The following ACYP2 variants were observed in gnomAD, a reference collection of about 807,000 sequenced individuals.
ACYP2 encodes the protein acylphosphatase 2.
ACYP2 carries 12 observed loss-of-function variants against 11.2 expected under a neutral mutation model. The observed-to-expected ratio is 1.08, with a 90% CI of 0.69 to 1.74. The LOEUF (loss-of-function observed/expected upper bound fraction) is 1.74. Among genes scored for constraint, ACYP2 ranks in the 40% most tolerant of loss-of-function variants. The pLI is 0.00. For synonymous variants in ACYP2, 43 were observed against 32.2 expected (o/e 1.33, Z -1.13); for missense variants, 134 against 101.9 (o/e 1.31, Z -1.35).
intron 6 of ACYP2, among the ~76,000 whole-genome samples, chr2:54,302,055 G>C (rs944905412): frequency 6.6e-6 from 1 of 152,168 alleles, no homozygotes; most frequent in Admixed American, 6.5e-5. Flanking sequence ...TTTTGGCTGG[G>C]GAAGAAGTCC....
intron 6 of ACYP2, 67 bp from the exon 4 acceptor site, chr2:54,304,621 G>A: frequency 9.1e-7 from 1 of 1,094,938 alleles, no homozygotes; most frequent in Non-Finnish European, 1.3e-6. Context: ...ACCTACTGTG[G>A]GCTCATTTTA....
intron 2 of ACYP2, among the ~76,000 whole-genome samples, chr2:54,046,167 CAAAAAAAAAAAAA>C (rs36114622): frequency 7.2e-5 from 4 of 55,844 alleles, no homozygotes; most frequent in Non-Finnish European, 9.6e-5. Flanking sequence ...CAGACCCTGT[CAAAAAAAAAAAAA>C]AAAAAAAAAA....
chr2:53,987,326 G>T (rs903177706), intron 2 of ACYP2, among the ~76,000 whole-genome samples: 1 of 151,302 alleles, frequency 6.6e-6, no homozygotes, highest in Non-Finnish European at 1.5e-5. Context: ...TTTTATAGAT[G>T]TGGATTATGC....
chr2:54,004,522 T>C (rs1416094955), intron 2 of ACYP2, among the ~76,000 whole-genome samples: 1 of 148,826 alleles, frequency 6.7e-6, no homozygotes, highest in African/African-American at 2.5e-5. Flanking sequence ...ACCATTCTCC[T>C]GCCTCAGCCT....
chr2:54,020,105 T>G (rs1163855332), intron 2 of ACYP2, among the ~76,000 whole-genome samples: 3 of 151,960 alleles, frequency 2.0e-5, no homozygotes, highest in Non-Finnish European at 4.4e-5. Flanking sequence ...CCTGGCTAAT[T>G]TTTGTATTTT....
intron 4 of ACYP2, among the ~76,000 whole-genome samples, chr2:54,118,653 C>T (rs970365462): frequency 6.6e-6 from 1 of 152,166 alleles, no homozygotes; most frequent in African/African-American, 2.4e-5. Flanking sequence ...ATAGTGGTAA[C>T]ACGGTATATA....
chr2:54,152,942 C>T (rs555319190), intron 6 of ACYP2, among the ~76,000 whole-genome samples: 116 of 152,268 alleles, frequency 7.6e-4, no homozygotes, highest in African/African-American at 2.8e-3. Context: ...GTATTACAGG[C>T]TCAAGCCACC....
rs532971729 is a variant in ACYP2 at position 54,093,679 on chromosome 2, G to A, written c.277+36319G>A. On this transcript the variant is annotated intron_variant, in intron 4 of 6. Transcript: ENST00000607452. ...CACTTGGCCGGGCGTGGTGGCTCACGCCTGTAATTCCAGCACTTCGGGAGG... is the reference window on the plus strand; with the variant it reads ...CACTTGGCCGGGCGTGGTGGCTCACACCTGTAATTCCAGCACTTCGGGAGG... Among the ~76,000 whole-genome samples the A allele has an allele frequency of 2.6e-5, 4 of 152,294 alleles. No individual in the cohort carries two copies. The South Asian group carries it at 6.2e-4, about 24-fold the overall frequency.
At chr2:54,062,423 A>C (rs1676517983) in intron 4 of ACYP2, among the ~76,000 whole-genome samples, 1 of 152,192 alleles carries the variant, frequency 6.6e-6, no homozygotes, top group East Asian at 1.9e-4. Flanking sequence ...TGTGACATTG[A>C]AAATAAGTAT....
chr2:54,267,356 G>C, intron 6 of ACYP2: 1 of 1,547,756 alleles, frequency 6.5e-7, no homozygotes, highest in Non-Finnish European at 8.7e-7. Flanking sequence ...ACAGCTAGAG[G>C]AGAATTCAGG....
chr2:54,299,621 A>T (rs940631025), intron 6 of ACYP2, among the ~76,000 whole-genome samples: 3 of 151,964 alleles, frequency 2.0e-5, no homozygotes, highest in African/African-American at 7.2e-5. Context: ...AAAGAAAAAA[A>T]AGAAAACCTA....
intron 6 of ACYP2, among the ~76,000 whole-genome samples, chr2:54,139,764 A>T (rs1194239562): frequency 1.3e-5 from 2 of 152,186 alleles, no homozygotes; most frequent in Non-Finnish European, 2.9e-5. Context: ...AACACTGAGA[A>T]GTATAAAGGT....
chr2:54,163,622 A>AG (rs938211989), intron 6 of ACYP2, among the ~76,000 whole-genome samples: 25 of 152,184 alleles, frequency 1.6e-4, no homozygotes, highest in Non-Finnish European at 3.2e-4. Context: ...TGGGAGGCCT[A>AG]GGGGGGTGGC....
intron 4 of ACYP2, among the ~76,000 whole-genome samples, chr2:54,116,742 G>A (rs1050688654): frequency 5.3e-5 from 8 of 152,110 alleles, no homozygotes; most frequent in Non-Finnish European, 1.2e-4. Context: ...AATGGCAACG[G>A]CACACCTGAA....
intron 6 of ACYP2, among the ~76,000 whole-genome samples, chr2:54,189,188 T>C (rs1684135004): frequency 6.6e-6 from 1 of 152,212 alleles, no homozygotes; most frequent in Non-Finnish European, 1.5e-5. Flanking sequence ...TCAGAGCAGC[T>C]ATAATCTACT....
chr2:54,247,473 C>CT (rs1160185071), intron 6 of ACYP2, among the ~76,000 whole-genome samples: 5 of 152,156 alleles, frequency 3.3e-5, no homozygotes, highest in Admixed American at 3.3e-4. Context: ...TTTACAGTGC[C>CT]TTTAGCAAGG....
rs572403022 is a variant in ACYP2, at chr2:54,125,740, G to C, written c.278-9713G>C. Among the ~76,000 whole-genome samples the C allele has an allele frequency of 2.0e-5, 3 of 147,880 alleles. No individual in the cohort carries two copies. In the South Asian group the frequency reaches 6.3e-4, roughly 31 times the overall value. ...ACTCCAGCCTGGGGAACAAGAACGAGACTATGTCTCAAAAAACAAAAACAA... is the reference window on the plus strand; with the variant it reads ...ACTCCAGCCTGGGGAACAAGAACGACACTATGTCTCAAAAAACAAAAACAA... On this transcript the variant is annotated intron_variant, in intron 4 of 6. Transcript: ENST00000607452.
rs566966666 is a variant in ACYP2, at chr2:54,151,370, G to A, written c.404+12622G>A. Reference sequence around the variant, plus strand: ...CCAGCAGACCATTAGTGGCATGAATGTCTGTGCAACCAGAGTGGCTAGCTT... The same window carrying A: ...CCAGCAGACCATTAGTGGCATGAATATCTGTGCAACCAGAGTGGCTAGCTT... On this transcript the variant is annotated intron_variant, in intron 6 of 6. Transcript: ENST00000607452. Among the ~76,000 whole-genome samples the A allele has an allele frequency of 1.8e-4, 27 of 152,306 alleles. No homozygotes were observed. In the South Asian group the frequency reaches 3.5e-3, roughly 20 times the overall value.
At chr2:54,070,985 C>G (rs1558507686) in intron 4 of ACYP2, among the ~76,000 whole-genome samples, 1 of 152,030 alleles carries the variant, frequency 6.6e-6, no homozygotes, top group Non-Finnish European at 1.5e-5. Context: ...CTTCTGAGCT[C>G]AAGCAGTCTG....
Sources: gnomAD v4.1 joint callset for allele counts (sites outside exome capture counted in the v4.1 genomes callset) on GRCh38, gnomAD v4.1.1 for gene constraint, MANE v1.5 for transcripts, NCBI Gene and HGNC (gene_info 2026-07-23, HGNC 2026-07-21) for gene names.